The following ZBTB7C variants were observed in gnomAD, a reference collection of about 807,000 sequenced individuals.
ZBTB7C encodes zinc finger and BTB domain containing 7C.
In ZBTB7C, 8 loss-of-function variants were observed where a neutral mutation model predicts 25.7. The ratio of observed to expected loss-of-function variants is 0.31; its 90% CI spans 0.18 to 0.56. The LOEUF is 0.56. Among genes scored for constraint, ZBTB7C ranks in the 20% least tolerant of loss-of-function variants. The pLI, the probability that ZBTB7C is intolerant of heterozygous loss-of-function variation, is 0.91. For synonymous variants in ZBTB7C, 394 were observed against 369.0 expected, an observed-to-expected ratio of 1.07 and a Z score of -0.78; for missense variants, 824 against 855.2, an observed-to-expected ratio of 0.96 and a Z score of 0.46.
chr18:48,373,757 C>G (rs576967462), intron 1 of ZBTB7C, among the ~76,000 whole-genome samples: 6 of 152,254 alleles, frequency 3.9e-5, no homozygotes, highest in South Asian at 2.1e-4. Context: ...GTCAGGAGAT[C>G]GAGACCATCC....
chr18:48,369,856 G>A (rs113618468), intron 1 of ZBTB7C, among the ~76,000 whole-genome samples: 1,587 of 152,200 alleles, frequency 0.01, 12 homozygotes, highest in Non-Finnish European at 0.013. Context: ...CAATCAGCAA[G>A]CATACAGAAT....
chr18:48,143,466 T>A (rs1406019247), intron 3 of ZBTB7C, among the ~76,000 whole-genome samples: 1 of 152,216 alleles, frequency 6.6e-6, no homozygotes, highest in African/African-American at 2.4e-5. Flanking sequence ...TTATATTAAA[T>A]TACCACTTAC....
At chr18:48,083,146 A>T (rs375829657) in intron 3 of ZBTB7C, among the ~76,000 whole-genome samples, 44 of 152,200 alleles carry the variant, frequency 2.9e-4, no homozygotes, top group East Asian at 2.5e-3. Flanking sequence ...ACTACATATG[A>T]TGCATGTTAT....
chr18:48,099,185 A>C (rs1370598804), intron 3 of ZBTB7C, among the ~76,000 whole-genome samples: 1 of 152,250 alleles, frequency 6.6e-6, no homozygotes, highest in African/African-American at 2.4e-5. Context: ...GCCAGGAATA[A>C]GTGAGTGCCT....
Position 48,039,890 on chromosome 18 carries a change from C to T in ZBTB7C, c.1208+10G>A. ...CCCCGTGCCCCACACCCGAGGGCTG[C>T]CATGCGCACCTGGTGAAGCGGACCT... On this transcript the variant is annotated intron_variant, in intron 4 of 4. Transcript: ENST00000590800. 6.2e-7 allele frequency: 1 copy of T among 1,609,740 alleles called. No individual in the cohort carries two copies. The highest frequency in any genetic ancestry group is 8.5e-7 in the Non-Finnish European group (1 of 1,179,846).
intron 1 of ZBTB7C, among the ~76,000 whole-genome samples, chr18:48,357,948 G>A (rs1182009184): frequency 6.6e-6 from 1 of 152,202 alleles, no homozygotes; most frequent in Admixed American, 6.5e-5. Flanking sequence ...GAGGGCTGGT[G>A]AGAGTGCTTG....
intron 3 of ZBTB7C, among the ~76,000 whole-genome samples, chr18:48,184,983 G>C (rs1410333991): frequency 6.6e-6 from 1 of 152,142 alleles, no homozygotes; most frequent in Non-Finnish European, 1.5e-5. Flanking sequence ...TCATATCGTG[G>C]AGTGGCCGAC....
At chr18:48,229,751 C>T (rs1275746773) in intron 2 of ZBTB7C, among the ~76,000 whole-genome samples, 5 of 152,102 alleles carry the variant, frequency 3.3e-5, no homozygotes, top group African/African-American at 7.2e-5. Flanking sequence ...CAGGGAGGCC[C>T]GAGGAAGACG....
At chr18:48,041,521 A>G in intron 3 of ZBTB7C, 1 of 985,462 alleles carries the variant, frequency 1.0e-6, no homozygotes, top group Non-Finnish European at 1.2e-6. Context: ...CTGTGGGGCA[A>G]GGACCTCTCA....
intron 3 of ZBTB7C, among the ~76,000 whole-genome samples, chr18:48,054,499 C>T (rs892139397): frequency 6.6e-6 from 1 of 152,118 alleles, no homozygotes. Context: ...CCTCAGCCCT[C>T]GACAAACACT....
chr18:48,125,927 C>T (rs554373556), intron 3 of ZBTB7C, among the ~76,000 whole-genome samples: 1 of 152,252 alleles, frequency 6.6e-6, no homozygotes, highest in Non-Finnish European at 1.5e-5. Context: ...GCAAGTGATC[C>T]TGGAAGGGCC....
At chr18:48,401,668 TGAG>T (rs776230286) in intron 1 of ZBTB7C, among the ~76,000 whole-genome samples, 3 of 152,158 alleles carry the variant, frequency 2.0e-5, no homozygotes, top group Non-Finnish European at 4.4e-5. Context: ...TTCTGGGCCC[TGAG>T]GAGGTTACAG....
intron 2 of ZBTB7C, among the ~76,000 whole-genome samples, chr18:48,295,409 C>T (rs554960490): frequency 4.6e-5 from 7 of 152,258 alleles, no homozygotes; most frequent in African/African-American, 1.7e-4. Flanking sequence ...GTGGCCTCTT[C>T]GTGGGGTGCT....
intron 2 of ZBTB7C, among the ~76,000 whole-genome samples, chr18:48,218,440 G>T (rs2042876423): frequency 6.6e-6 from 1 of 152,210 alleles, no homozygotes; most frequent in Non-Finnish European, 1.5e-5. Flanking sequence ...GAGGCCAAAG[G>T]CAGGCCTTCT....
At chr18:48,311,406 T>C (rs2045815430) in intron 2 of ZBTB7C, among the ~76,000 whole-genome samples, 1 of 152,210 alleles carries the variant, frequency 6.6e-6, no homozygotes, top group Non-Finnish European at 1.5e-5. Context: ...CAGGGTCTGT[T>C]ATAGTCACTC....
intron 2 of ZBTB7C, among the ~76,000 whole-genome samples, chr18:48,268,964 T>TC (rs2044394813): frequency 6.7e-6 from 1 of 148,894 alleles, no homozygotes; most frequent in South Asian, 2.2e-4. Flanking sequence ...GTTTCTTTTT[T>TC]TTTTTTTTTT....
chr18:48,388,516 A>G (rs146411871), intron 1 of ZBTB7C, among the ~76,000 whole-genome samples: 2 of 152,308 alleles, frequency 1.3e-5, no homozygotes, highest in East Asian at 3.9e-4. Flanking sequence ...TGCAGTGCTT[A>G]TATTTGCTCT....
chr18:48,341,822 C>G (rs2046608080), intron 1 of ZBTB7C, among the ~76,000 whole-genome samples: 1 of 152,210 alleles, frequency 6.6e-6, no homozygotes, highest in South Asian at 2.1e-4. Flanking sequence ...GAGATGGTGA[C>G]ATCCAGGGCC....
intron 3 of ZBTB7C, among the ~76,000 whole-genome samples, chr18:48,123,470 C>T (rs1156348477): frequency 6.6e-6 from 1 of 152,228 alleles, no homozygotes; most frequent in Middle Eastern, 3.2e-3. Flanking sequence ...GGCGTTTTGG[C>T]CCAAGCTGGG....
Sources: allele counts gnomAD v4.1 joint callset (sites outside exome capture counted in the v4.1 genomes callset), GRCh38; gene constraint gnomAD v4.1.1; transcripts MANE v1.5; gene names NCBI Gene and HGNC (gene_info 2026-07-23, HGNC 2026-07-21).